Variants in INO80 observed in about 807,000 individuals in gnomAD.
The protein encoded by INO80 is INO80 complex ATPase subunit.
A neutral mutation model predicts 203.4 loss-of-function variants in INO80; 20 were observed. That is an observed-to-expected ratio of 0.10 (90% CI 0.07 to 0.14). INO80 has a LOEUF of 0.14. Ranked by LOEUF, INO80 falls within the 10% of genes least tolerant of loss-of-function variation. The probability of loss-of-function intolerance (pLI) is 1.00; values close to 1 mark genes in which losing one functional copy is unlikely to be tolerated. For synonymous variants in INO80, 726 were observed against 685.2 expected, an observed-to-expected ratio of 1.06 and a Z score of -0.93; for missense variants, 1,419 against 1,914.4, an observed-to-expected ratio of 0.74 and a Z score of 4.83.
chr15:41,114,277 A>AC (rs895641982), intron 1 of INO80, among the ~76,000 whole-genome samples: 8 of 129,596 alleles, frequency 6.2e-5, no homozygotes, highest in East Asian at 3.9e-4. Context: ...AAAAAACAAA[A>AC]AAAAAAAAAC....
At chr15:41,017,024 G>C (rs1404536412) in intron 26 of INO80, 1 of 151,788 alleles carries the variant, frequency 6.6e-6, no homozygotes, top group East Asian at 1.9e-4. Flanking sequence ...AGCTCTCTTG[G>C]AGGACTGCAA....
chr15:41,077,548 T>C (rs1596313197), intron 9 of INO80, among the ~76,000 whole-genome samples: 1 of 152,100 alleles, frequency 6.6e-6, no homozygotes, highest in South Asian at 2.1e-4. Flanking sequence ...AAACCTAAAG[T>C]GCTATCAAGA....
intron 13 of INO80, among the ~76,000 whole-genome samples, chr15:41,070,003 C>CT (rs1193763059): frequency 3.3e-5 from 5 of 151,782 alleles, no homozygotes; most frequent in African/African-American, 9.7e-5. Context: ...AGAGCTTTTG[C>CT]TTTTTTTTCA....
intron 28 of INO80, chr15:41,005,220 A>AAAAAAAT (rs1566907328): frequency 1.9e-5 from 3 of 157,380 alleles, no homozygotes; most frequent in Non-Finnish European, 2.8e-5. Context: ...AAAAAAAAAA[A>AAAAAAAT]AGAAATGGCT....
At chr15:41,104,146 A>C (rs888068306) in intron 1 of INO80, among the ~76,000 whole-genome samples, 8 of 148,102 alleles carry the variant, frequency 5.4e-5, no homozygotes, top group African/African-American at 2.0e-4. Flanking sequence ...ACTTGAACCC[A>C]GGAGGCAGAG....
intron 28 of INO80, among the ~76,000 whole-genome samples, chr15:41,001,584 T>C (rs2043959136): frequency 6.6e-6 from 1 of 152,100 alleles, no homozygotes. Context: ...GTAAAGGTCA[T>C]GGGTTAGGAG....
rs140990001 is a variant in INO80 at position 41,079,358 on chromosome 15, G to A, written c.1131+343C>T. 3.3e-5 allele frequency among the ~76,000 whole-genome samples: 5 copies of A among 152,134 alleles called. No individual in the cohort carries two copies. The East Asian group carries it at 9.6e-4, about 29-fold the overall frequency. ...CTTTTTCTTGAGGAATAAGAGCCCA[G>A]AATAGAGGAAGACAGCTTAGAAGAA... On this transcript the variant is annotated intron_variant, in intron 9 of 35. Coordinates refer to ENST00000648947, the MANE Select transcript of INO80 (RefSeq NM_017553.3).
chr15:41,066,567 G>A (rs2045220438), intron 14 of INO80, among the ~76,000 whole-genome samples: 1 of 151,654 alleles, frequency 6.6e-6, no homozygotes, highest in South Asian at 2.1e-4. Context: ...AGTGGCTCGT[G>A]CCTATAATCC....
intron 24 of INO80, among the ~76,000 whole-genome samples, chr15:41,032,073 G>GCACAGCACAGC (rs1566919782): frequency 1.9e-5 from 1 of 52,446 alleles, no homozygotes; most frequent in South Asian, 7.8e-4. Context: ...GACAGCACAG[G>GCACAGCACAGC]ACAGCACAGC....
rs564186103 is a variant in INO80 at position 40,984,655 on chromosome 15, G to A, written c.3922-303C>T. 1.5e-4 allele frequency among the ~76,000 whole-genome samples: 22 copies of A among 150,188 alleles called. No homozygotes were observed. The South Asian group carries it at 4.6e-3, about 31-fold the overall frequency. On this transcript the variant is annotated intron_variant, in intron 32 of 35. Transcript: ENST00000648947. Reference sequence around the variant, plus strand: ...AAGAAAAAAAAAAAAAAGAGCTTATGAATATCTGCCACAATAATAGAGTTT... The same window carrying A: ...AAGAAAAAAAAAAAAAAGAGCTTATAAATATCTGCCACAATAATAGAGTTT...
intron 5 of INO80, among the ~76,000 whole-genome samples, chr15:41,090,756 T>C (rs1307103114): frequency 6.6e-6 from 1 of 151,910 alleles, no homozygotes; most frequent in Non-Finnish European, 1.5e-5. Context: ...AATTGCACAC[T>C]ATATAAGGCT....
intron 11 of INO80, 39 bp from the exon 12 acceptor site, chr15:41,072,097 A>G (rs909262500): frequency 1.5e-6 from 2 of 1,325,356 alleles, no homozygotes; most frequent in Non-Finnish European, 1.0e-6. Flanking sequence ...AAAAAAAAAA[A>G]GAGGAAAAAT....
At chr15:41,015,650 T>TG (rs1346070497) in intron 27 of INO80, among the ~76,000 whole-genome samples, 1 of 151,540 alleles carries the variant, frequency 6.6e-6, no homozygotes, top group Non-Finnish European at 1.5e-5. Flanking sequence ...AAAGGAGTTT[T>TG]GGGGGCTGCG....
intron 5 of INO80, 121 bp downstream of exon 5, chr15:41,091,906 C>A: frequency 2.8e-6 from 2 of 718,072 alleles, no homozygotes; most frequent in South Asian, 2.7e-5. Flanking sequence ...CCCGCCTCGT[C>A]CTCCCAAAGT....
chr15:41,010,958 T>C (rs1464609739), intron 27 of INO80, among the ~76,000 whole-genome samples: 1 of 152,188 alleles, frequency 6.6e-6, no homozygotes, highest in Non-Finnish European at 1.5e-5. Context: ...TTTTCTGCAG[T>C]CCAAGCAAAT....
chr15:40,979,412 G>C lies in INO80; in HGVS notation c.*811C>G, dbSNP rs1893728274. On this transcript the variant is annotated 3_prime_UTR_variant, in exon 36 of 36. Transcript: ENST00000648947. Reference sequence around the variant, plus strand: ...ATAGACAGTGCATACAGCCAAGCAGGGGACTGAAGGGCATGAGCAGGGAGA... The same window carrying C: ...ATAGACAGTGCATACAGCCAAGCAGCGGACTGAAGGGCATGAGCAGGGAGA... 1 of 152,950 alleles carries C rather than the reference G, an allele frequency of 6.5e-6. No homozygotes were observed. The highest frequency in any genetic ancestry group is 2.1e-4 in the South Asian group (1 of 4,832). 9.5% of individuals were successfully genotyped at this position (152,950 alleles called of 1,614,324 possible).
In INO80 at chr15:41,073,400, C is replaced by T. The variant is rs368916716; in HGVS notation, c.1395+28G>A. On this transcript the variant is annotated intron_variant, in intron 11 of 35. Coordinates refer to ENST00000648947, the MANE Select transcript of INO80 (RefSeq NM_017553.3). ...TGTGGGGTATTTCCAGGGCCAATTA[C>T]AGTAAACCTTTCTATCTGAAGACTC... 5 of 1,593,860 alleles carry T rather than the reference C, an allele frequency of 3.1e-6. No homozygotes were observed. The African/African-American group carries it at 5.4e-5, about 17-fold the overall frequency.
intron 31 of INO80, 138 bp downstream of exon 31, chr15:40,986,953 G>T: frequency 1.8e-6 from 1 of 548,812 alleles, no homozygotes; most frequent in Non-Finnish European, 3.3e-6. Flanking sequence ...TTCTTGTTTG[G>T]GTTTTTATAT....
chr15:41,010,288 G>A (rs553648619), intron 27 of INO80, among the ~76,000 whole-genome samples: 1 of 152,228 alleles, frequency 6.6e-6, no homozygotes, highest in South Asian at 2.1e-4. Context: ...TTTAAGGTAG[G>A]TGCTATTAAA....
Sources: allele counts gnomAD v4.1 joint callset (sites outside exome capture counted in the v4.1 genomes callset), GRCh38; gene constraint gnomAD v4.1.1; transcripts MANE v1.5; gene names NCBI Gene and HGNC (gene_info 2026-07-23, HGNC 2026-07-21).